Variants in DCC observed in about 807,000 individuals in gnomAD.
The protein encoded by DCC is netrin receptor DCC.
In DCC, 58 loss-of-function variants were observed where a neutral mutation model predicts 172.5. The ratio of observed to expected loss-of-function variants is 0.34; its 90% CI spans 0.27 to 0.42. The LOEUF (loss-of-function observed/expected upper bound fraction) is 0.42, where lower values mean the gene tolerates loss of function less well. DCC is among the 10% of genes least tolerant of loss of function. The probability of loss-of-function intolerance (pLI) is 1.00; values close to 1 mark genes in which losing one functional copy is unlikely to be tolerated. For synonymous variants in DCC, 709 were observed against 644.5 expected (o/e 1.10, Z -1.52); for missense variants, 1,740 against 1,791.0 (o/e 0.97, Z 0.51).
intron 1 of DCC, among the ~76,000 whole-genome samples, chr18:52,353,386 G>T (rs11876589): frequency 0.034 from 5,172 of 152,182 alleles, 293 homozygotes; most frequent in African/African-American, 0.12. Flanking sequence ...CAGGGAAAAA[G>T]AAAGACACAT....
intron 21 of DCC, among the ~76,000 whole-genome samples, chr18:53,430,415 T>G (rs1472205247): frequency 3.3e-5 from 5 of 152,128 alleles, no homozygotes; most frequent in Admixed American, 6.6e-5. Context: ...CCATGTCTTC[T>G]GCAGATTAAT....
chr18:53,467,929 A>T lies in DCC; in HGVS notation c.3655A>T (p.Thr1219Ser). Reference protein sequence around the residue: ...DTEEAGSSMSTLERSLAARRA... With the variant: ...DTEEAGSSMSSLERSLAARRA... ...TGAGGAAGCAGGGAGCTCTATGTCC[A>T]CTCTGGAGAGGTCGCTGGCTGCACG... The change falls in exon 25 of 29, where the codon ACT becomes TCT. Residue 1219 changes from threonine to serine, a missense_variant. Coordinates refer to ENST00000442544, the MANE Select transcript of DCC (RefSeq NM_005215.4). 1 of 1,612,186 alleles carries T rather than the reference A, an allele frequency of 6.2e-7. No homozygotes were observed. Among genetic ancestry groups the T allele is most frequent in the Non-Finnish European group, 8.5e-7 (1 of 1,178,390 alleles).
intron 15 of DCC, among the ~76,000 whole-genome samples, chr18:53,357,097 G>A (rs1442176110): frequency 6.6e-6 from 1 of 152,128 alleles, no homozygotes; most frequent in Non-Finnish European, 1.5e-5. Context: ...TTGACCAGAA[G>A]TTGGAGTTCT....
At chr18:53,050,735 A>T (rs2042322891) in intron 5 of DCC, among the ~76,000 whole-genome samples, 2 of 152,110 alleles carry the variant, frequency 1.3e-5, no homozygotes, top group South Asian at 4.1e-4. Flanking sequence ...GACAGCTTGA[A>T]TTCTTCTCTT....
intron 5 of DCC, among the ~76,000 whole-genome samples, chr18:52,970,491 C>G (rs2041012704): frequency 6.6e-6 from 1 of 152,094 alleles, no homozygotes; most frequent in Non-Finnish European, 1.5e-5. Flanking sequence ...CAACATTACT[C>G]TCCAGTGATT....
At chr18:52,932,455 C>T (rs1310557206) in intron 5 of DCC, among the ~76,000 whole-genome samples, 1 of 152,132 alleles carries the variant, frequency 6.6e-6, no homozygotes, top group Non-Finnish European at 1.5e-5. Flanking sequence ...TTGGACAAAC[C>T]TTGTGTACTG....
At chr18:52,933,927 T>A (rs552930652) in intron 5 of DCC, among the ~76,000 whole-genome samples, 65 of 152,128 alleles carry the variant, frequency 4.3e-4, no homozygotes, top group African/African-American at 1.5e-3. Context: ...GTGTGAAAAG[T>A]AGAGGAGAGA....
In DCC at chr18:52,862,052, A is replaced by G. The variant is rs575285469; in HGVS notation, c.413-43992A>G. 4.6e-5 allele frequency among the ~76,000 whole-genome samples: 7 copies of G among 152,302 alleles called. No individual in the cohort carries two copies. In the East Asian group the frequency reaches 7.7e-4, roughly 17 times the overall value. ...TAATCATAATTGTGACTGATAACATATCAGAATTTTAGGAATCTCATACAG... is the reference window on the plus strand; with the variant it reads ...TAATCATAATTGTGACTGATAACATGTCAGAATTTTAGGAATCTCATACAG... On this transcript the variant is annotated intron_variant, in intron 2 of 28. Coordinates refer to ENST00000442544, the MANE Select transcript of DCC (RefSeq NM_005215.4).
chr18:52,427,340 T>C (rs1987462714), intron 1 of DCC, among the ~76,000 whole-genome samples: 1 of 152,092 alleles, frequency 6.6e-6, no homozygotes, highest in Non-Finnish European at 1.5e-5. Flanking sequence ...TTTCTCTCTG[T>C]TAACTCTATG....
At chr18:52,951,441 ACCC>A (rs574609111) in intron 5 of DCC, among the ~76,000 whole-genome samples, 2 of 149,150 alleles carry the variant, frequency 1.3e-5, no homozygotes, top group East Asian at 3.9e-4. Context: ...CTTGCCTCCC[ACCC>A]CCCGACAGGT....
At chr18:52,914,221 T>TAA (rs58188187) in intron 3 of DCC, among the ~76,000 whole-genome samples, 13 of 151,054 alleles carry the variant, frequency 8.6e-5, no homozygotes, top group East Asian at 3.9e-4. Flanking sequence ...AATCTAAAAA[T>TAA]AAAAAAAAAT....
At chr18:52,917,141 A>C (rs1438183309) in intron 3 of DCC, among the ~76,000 whole-genome samples, 1 of 150,300 alleles carries the variant, frequency 6.7e-6, no homozygotes, top group East Asian at 1.9e-4. Flanking sequence ...AGAAAACAAA[A>C]AAAAAAAAAC....
At chr18:52,387,574 TCTTCCTTCCTTCCTTCCTTCCTTC>T (rs58543615) in intron 1 of DCC, among the ~76,000 whole-genome samples, 9 of 121,996 alleles carry the variant, frequency 7.4e-5, no homozygotes, top group South Asian at 2.9e-4. Flanking sequence ...TTGTTTTGTT[TCTTCCTTCCTTCCTTCCTTCCTTC>T]CTTCCTTCCT....
rs903705359 is a variant in DCC, at chr18:53,531,865, A to T, written c.*1212A>T. On this transcript the variant is annotated 3_prime_UTR_variant, in exon 29 of 29. Coordinates refer to ENST00000442544, the MANE Select transcript of DCC (RefSeq NM_005215.4). ...AGGGGGAAGCAGAGGGGCAGGTGCC[A>T]CCTGACACTTCCGACATGTAAATCC... 22 of 152,242 alleles carry T rather than the reference A, an allele frequency of 1.4e-4. No individual in the cohort carries two copies. The highest frequency in any genetic ancestry group is 4.8e-4 in the African/African-American group (20 of 41,458). The allele number at this position is 152,242 out of a possible 1,614,324, so 9.4% of individuals were successfully genotyped here.
chr18:53,178,865 C>G, intron 8 of DCC, 97 bp from the exon 9 acceptor site: 1 of 1,305,116 alleles, frequency 7.7e-7, no homozygotes, highest in Non-Finnish European at 1.1e-6. Flanking sequence ...AGTGAGCAAC[C>G]TTTTGGTTCA....
intron 22 of DCC, among the ~76,000 whole-genome samples, chr18:53,442,156 T>G (rs1270801988): frequency 6.6e-6 from 1 of 152,232 alleles, no homozygotes; most frequent in African/African-American, 2.4e-5. Context: ...AATTGTAATT[T>G]TATACAGGCA....
At chr18:52,891,269 G>C (rs2039646493) in intron 2 of DCC, among the ~76,000 whole-genome samples, 1 of 151,942 alleles carries the variant, frequency 6.6e-6, no homozygotes, top group Non-Finnish European at 1.5e-5. Context: ...TTTTCTACTA[G>C]ACAGGCAGCT....
intron 3 of DCC, among the ~76,000 whole-genome samples, chr18:52,908,324 G>C (rs952441783): frequency 2.0e-5 from 3 of 152,106 alleles, no homozygotes; most frequent in African/African-American, 7.2e-5. Flanking sequence ...ATAACCATTG[G>C]TAACACTTAC....
At chr18:53,475,579 T>C (rs1228945622) in intron 25 of DCC, among the ~76,000 whole-genome samples, 20 of 152,176 alleles carry the variant, frequency 1.3e-4, no homozygotes, top group Admixed American at 1.3e-3. Flanking sequence ...AGCCTTCCAG[T>C]GCACAGAAGT....
Sources: gnomAD v4.1 joint callset for allele counts (sites outside exome capture counted in the v4.1 genomes callset) on GRCh38, gnomAD v4.1.1 for gene constraint, MANE v1.5 for transcripts, NCBI Gene and HGNC (gene_info 2026-07-23, HGNC 2026-07-21) for gene names.